Variants in SLC24A2 observed in about 807,000 individuals in gnomAD.
SLC24A2 encodes the protein solute carrier family 24 member 2.
SLC24A2 carries 36 observed loss-of-function variants against 62.0 expected under a neutral mutation model. The ratio of observed to expected loss-of-function variants is 0.58; its 90% CI spans 0.44 to 0.77. SLC24A2 has a LOEUF of 0.77. Among genes scored for constraint, SLC24A2 ranks in the 30% least tolerant of loss-of-function variants. The pLI is 0.00. For missense variants in SLC24A2, 846 were observed against 817.9 expected (o/e 1.03, Z -0.42); for synonymous variants, 358 against 294.0 (o/e 1.22, Z -2.23).
At chr9:20,173,001 A>T in the SLC24A2 span, among the ~76,000 whole-genome samples, 1 of 152,166 alleles carries the variant, frequency 6.6e-6, no homozygotes, top group African/African-American at 2.4e-5. Flanking sequence ...AGTGGGTTTC[A>T]TACCAGGGTT....
chr9:19,534,816 CAT>C (rs1191702855), intron 8 of SLC24A2, among the ~76,000 whole-genome samples: 2 of 152,152 alleles, frequency 1.3e-5, no homozygotes, highest in East Asian at 1.9e-4. Flanking sequence ...CCACAATAAA[CAT>C]ATGTGTACAT....
the SLC24A2 span, among the ~76,000 whole-genome samples, chr9:19,906,478 A>C: frequency 7.9e-5 from 12 of 152,136 alleles, no homozygotes; most frequent in Non-Finnish European, 5.9e-5. Context: ...AACTAAGATC[A>C]GAGCAGAACT....
chr9:19,755,576 A>G (rs1432837015), intron 2 of SLC24A2, among the ~76,000 whole-genome samples: 1 of 152,202 alleles, frequency 6.6e-6, no homozygotes, highest in Non-Finnish European at 1.5e-5. Flanking sequence ...AGAGTTGGCC[A>G]GGCCTGTCCA....
chr9:19,820,452 A>T, the SLC24A2 span, among the ~76,000 whole-genome samples: 1,558 of 151,126 alleles, frequency 0.01, 21 homozygotes, highest in African/African-American at 0.033. Flanking sequence ...TAATAAATTT[A>T]AAAAAAAATT....
chr9:19,912,706 C>T, the SLC24A2 span, among the ~76,000 whole-genome samples: 1 of 152,126 alleles, frequency 6.6e-6, no homozygotes, highest in Admixed American at 6.5e-5. Flanking sequence ...TGGAACCTCC[C>T]AGCTCACATT....
At chr9:19,950,668 A>T in the SLC24A2 span, among the ~76,000 whole-genome samples, 1 of 152,216 alleles carries the variant, frequency 6.6e-6, no homozygotes, top group African/African-American at 2.4e-5. Context: ...TCAGTAAAGA[A>T]AACTGACAAA....
the SLC24A2 span, among the ~76,000 whole-genome samples, chr9:19,831,582 C>T: frequency 2.0e-5 from 3 of 152,256 alleles, no homozygotes; most frequent in East Asian, 1.9e-4. Flanking sequence ...ATAAGATTCT[C>T]GATGACACTG....
chr9:19,541,866 G>C (rs908574535), intron 8 of SLC24A2, among the ~76,000 whole-genome samples: 1 of 151,910 alleles, frequency 6.6e-6, no homozygotes, highest in African/African-American at 2.4e-5. Context: ...AGATTCCGTG[G>C]GCGTAGGACC....
the SLC24A2 span, among the ~76,000 whole-genome samples, chr9:20,037,695 T>G: frequency 6.6e-6 from 1 of 152,182 alleles, no homozygotes; most frequent in Non-Finnish European, 1.5e-5. Flanking sequence ...TTCTCAACTA[T>G]GGGGCATTTT....
the SLC24A2 span, among the ~76,000 whole-genome samples, chr9:20,125,278 T>C: frequency 6.6e-6 from 1 of 152,160 alleles, no homozygotes; most frequent in African/African-American, 2.4e-5. Context: ...GACCTGGATA[T>C]ATGTATTCAT....
the SLC24A2 span, among the ~76,000 whole-genome samples, chr9:19,879,863 G>GTCT: frequency 6.6e-6 from 1 of 152,084 alleles, no homozygotes. Flanking sequence ...AAATAATAAT[G>GTCT]TCTTTTATAA....
At chr9:19,902,912 C>T in the SLC24A2 span, among the ~76,000 whole-genome samples, 9 of 152,168 alleles carry the variant, frequency 5.9e-5, no homozygotes, top group Non-Finnish European at 1.2e-4. Context: ...AAATCACGTT[C>T]CCTTGCAGTC....
At chr9:19,906,451 A>G in the SLC24A2 span, among the ~76,000 whole-genome samples, 172 of 151,962 alleles carry the variant, frequency 1.1e-3, 1 homozygote, top group African/African-American at 4.0e-3. Context: ...TTCAAAAGCT[A>G]GCAGAAGGCA....
the SLC24A2 span, among the ~76,000 whole-genome samples, chr9:20,050,570 T>C: frequency 6.6e-6 from 1 of 152,228 alleles, no homozygotes; most frequent in Non-Finnish European, 1.5e-5. Context: ...CAGTGTTTAA[T>C]GCTTTTTGAA....
the SLC24A2 span, among the ~76,000 whole-genome samples, chr9:19,977,531 C>T: frequency 1.3e-5 from 2 of 152,062 alleles, no homozygotes; most frequent in East Asian, 3.9e-4. Flanking sequence ...GAGATAGGTA[C>T]AAGTTCCTTG....
chr9:19,790,772 T>C (rs1823309679), upstream of SLC24A2, among the ~76,000 whole-genome samples: 1 of 152,208 alleles, frequency 6.6e-6, no homozygotes, highest in Non-Finnish European at 1.5e-5. Flanking sequence ...ACCCTGCCTT[T>C]GTCTACTTTC....
At chr9:20,156,999 A>T in the SLC24A2 span, among the ~76,000 whole-genome samples, 3 of 151,778 alleles carry the variant, frequency 2.0e-5, no homozygotes, top group Non-Finnish European at 4.4e-5. Flanking sequence ...TAGAACGTTT[A>T]CTAAAGCCAC....
At chr9:19,642,012 G>T (rs576197325) in intron 2 of SLC24A2, among the ~76,000 whole-genome samples, 1 of 152,216 alleles carries the variant, frequency 6.6e-6, no homozygotes, top group African/African-American at 2.4e-5. Context: ...ACACATTAGG[G>T]TAGAGTCTGA....
At chr9:19,759,690 A>G (rs1571204) in intron 2 of SLC24A2, among the ~76,000 whole-genome samples, 113,034 of 152,060 alleles carry the variant, frequency 0.74, 42,275 homozygotes, top group East Asian at 0.8. Flanking sequence ...CTGGGTATCT[A>G]TTATTTGCCA....
Sources: allele counts gnomAD v4.1 joint callset (sites outside exome capture counted in the v4.1 genomes callset), GRCh38; gene constraint gnomAD v4.1.1; transcripts MANE v1.5; gene names NCBI Gene and HGNC (gene_info 2026-07-23, HGNC 2026-07-21).